ACOXL: variants seen among roughly 807,000 people sequenced by gnomAD.
ACOXL encodes acyl-coenzyme A oxidase-like protein.
Under a neutral mutation model 71.9 loss-of-function variants are expected in ACOXL, and 70 were observed. The ratio of observed to expected loss-of-function variants is 0.97; its 90% confidence interval spans 0.80 to 1.19. The LOEUF (loss-of-function observed/expected upper bound fraction) is 1.19. Ranked by LOEUF, ACOXL falls within the 50% of genes most tolerant of loss-of-function variation. ACOXL has a pLI of 0.00. For synonymous variants in ACOXL, 253 were observed against 281.6 expected (o/e 0.90, Z 1.02); for missense variants, 703 against 736.3 (o/e 0.95, Z 0.52).
rs1176256388 is a variant in ACOXL, at chr2:110,959,235, G to A, written c.1059+25593G>A. Among the ~76,000 whole-genome samples the A allele has an allele frequency of 3.3e-5, 5 of 152,290 alleles. No homozygotes were observed. In the East Asian group the frequency reaches 9.7e-4, roughly 29 times the overall value. ...CAGCCCTTTCTCTCCTGAGCCTGAG[G>A]CCACAGCCCTGCCCTGCACCATGAA... On this transcript the variant is annotated intron_variant, in intron 12 of 17. Transcript: ENST00000439055.
chr2:110,962,021 A>G lies in ACOXL; in HGVS notation c.1060-25087A>G, dbSNP rs556631042. On this transcript the variant is annotated intron_variant, in intron 12 of 17. Coordinates refer to ENST00000439055, the MANE Select transcript of ACOXL (RefSeq NM_001142807.4). ...ACAGAGCCAAACCATATCAGGTGGTATATTTAGTGTTACTCTTCTTCCACA... is the reference window on the plus strand; with the variant it reads ...ACAGAGCCAAACCATATCAGGTGGTGTATTTAGTGTTACTCTTCTTCCACA... Among the ~76,000 whole-genome samples the G allele has an allele frequency of 2.6e-5, 4 of 152,362 alleles. No homozygotes were observed. The East Asian group carries it at 7.7e-4, about 29-fold the overall frequency.
intron 10 of ACOXL, among the ~76,000 whole-genome samples, chr2:110,864,751 T>A (rs1233195947): frequency 6.6e-6 from 1 of 152,242 alleles, no homozygotes; most frequent in Non-Finnish European, 1.5e-5. Flanking sequence ...TTTCACTAAC[T>A]GTAATACAGT....
At chr2:111,094,663 C>A (rs1040927810) in intron 17 of ACOXL, among the ~76,000 whole-genome samples, 1 of 152,222 alleles carries the variant, frequency 6.6e-6, no homozygotes, top group African/African-American at 2.4e-5. Context: ...CCTCTCATCA[C>A]TGTTGCATTG....
intron 10 of ACOXL, among the ~76,000 whole-genome samples, chr2:110,877,719 A>G (rs1696102744): frequency 6.6e-6 from 1 of 152,124 alleles, no homozygotes; most frequent in African/African-American, 2.4e-5. Context: ...ATTACCGGAA[A>G]CCCTGGAGAC....
rs755327554 is a variant in ACOXL at position 110,834,897 on chromosome 2, G to A, written c.754-6474G>A. Among the ~76,000 whole-genome samples the A allele has an allele frequency of 7.9e-5, 12 of 152,258 alleles. No individual in the cohort carries two copies. In the South Asian group the frequency reaches 1.4e-3, roughly 18 times the overall value. ...TAAATGAGAGACAAAGCAAGTCCTT[G>A]TGAAGTGATCTCCATGCTTTTCAAG... On this transcript the variant is annotated intron_variant, in intron 9 of 17. Coordinates refer to ENST00000439055, the MANE Select transcript of ACOXL (RefSeq NM_001142807.4).
chr2:110,770,555 C>T (rs547261524), intron 2 of ACOXL, among the ~76,000 whole-genome samples: 2 of 152,258 alleles, frequency 1.3e-5, no homozygotes, highest in Non-Finnish European at 2.9e-5. Flanking sequence ...CAAAGTGGAG[C>T]GTGCTTGCGA....
At chr2:111,036,544 C>T (rs572819252) in intron 15 of ACOXL, among the ~76,000 whole-genome samples, 1 of 152,280 alleles carries the variant, frequency 6.6e-6, no homozygotes, top group East Asian at 1.9e-4. Context: ...AAGGAATGTC[C>T]CCTGGCTTTG....
intron 11 of ACOXL, among the ~76,000 whole-genome samples, chr2:110,919,280 A>G (rs1321055485): frequency 6.6e-6 from 1 of 152,116 alleles, no homozygotes; most frequent in African/African-American, 2.4e-5. Context: ...GCTGGAAACC[A>G]TCATTCTCAG....
chr2:110,810,577 C>A (rs897759841), intron 9 of ACOXL, among the ~76,000 whole-genome samples: 1 of 152,066 alleles, frequency 6.6e-6, no homozygotes, highest in South Asian at 2.1e-4. Flanking sequence ...GTTCATCCAT[C>A]CATCATTCAT....
intron 12 of ACOXL, among the ~76,000 whole-genome samples, chr2:110,946,441 GGC>G (rs1280618563): frequency 4.6e-5 from 7 of 152,156 alleles, no homozygotes; most frequent in African/African-American, 1.7e-4. Context: ...TGGTGAGAGT[GGC>G]ATCCTTGTCT....
At chr2:110,752,948 A>G (rs1192374322) in intron 1 of ACOXL, among the ~76,000 whole-genome samples, 1 of 152,230 alleles carries the variant, frequency 6.6e-6, no homozygotes, top group African/African-American at 2.4e-5. Context: ...AGCCACTTCT[A>G]CAATGGCTCA....
intron 2 of ACOXL, among the ~76,000 whole-genome samples, chr2:110,781,283 G>A (rs981258564): frequency 2.6e-5 from 4 of 152,122 alleles, no homozygotes. Context: ...GGTGGACAGA[G>A]GAGGCCTGTC....
intron 12 of ACOXL, among the ~76,000 whole-genome samples, chr2:110,950,838 A>AGAGAG (rs1418660040): frequency 6.9e-6 from 1 of 144,702 alleles, no homozygotes; most frequent in African/African-American, 2.5e-5. Context: ...AGAGAGAGGG[A>AGAGAG]AGTTCTGGAA....
rs568151324 is a variant in ACOXL at position 110,833,132 on chromosome 2, C to T, written c.754-8239C>T. Among the ~76,000 whole-genome samples the T allele has an allele frequency of 9.2e-5, 14 of 152,322 alleles. No individual in the cohort carries two copies. In the South Asian group the frequency reaches 2.9e-3, roughly 32 times the overall value. On this transcript the variant is annotated intron_variant, in intron 9 of 17. Coordinates refer to ENST00000439055, the MANE Select transcript of ACOXL (RefSeq NM_001142807.4). ...ACCTGAAAATGAATGTTTATACCAA[C>T]TTTATTCATAACTCATAACTCAACT...
At chr2:111,082,529 G>A (rs967380070) in intron 16 of ACOXL, among the ~76,000 whole-genome samples, 4 of 152,168 alleles carry the variant, frequency 2.6e-5, no homozygotes, top group Non-Finnish European at 5.9e-5. Context: ...AAAGACAGAT[G>A]CTGGAAAGAA....
intron 5 of ACOXL, among the ~76,000 whole-genome samples, chr2:110,797,558 T>C (rs1473804684): frequency 6.6e-6 from 1 of 152,216 alleles, no homozygotes; most frequent in Non-Finnish European, 1.5e-5. Context: ...AGTCTTGCTT[T>C]ATCCAAGCGT....
intron 9 of ACOXL, among the ~76,000 whole-genome samples, chr2:110,830,474 T>TC (rs1363408339): frequency 6.6e-6 from 1 of 152,120 alleles, no homozygotes; most frequent in Non-Finnish European, 1.5e-5. Context: ...ATAGAAAACT[T>TC]CATCTTCGCT....
intron 12 of ACOXL, chr2:110,963,799 CT>C: frequency 2.6e-6 from 4 of 1,548,440 alleles, no homozygotes; most frequent in Non-Finnish European, 3.5e-6. Flanking sequence ...TGATTGCCTT[CT>C]TTAATTGGCA....
chr2:110,888,094 G>A (rs1401382374), intron 10 of ACOXL: 1 of 152,050 alleles, frequency 6.6e-6, no homozygotes, highest in Non-Finnish European at 1.5e-5. Context: ...TGTAGCTGGG[G>A]CTTCTATAGT....
Sources: gnomAD v4.1 joint callset for allele counts (sites outside exome capture counted in the v4.1 genomes callset) on GRCh38, gnomAD v4.1.1 for gene constraint, MANE v1.5 for transcripts, NCBI Gene and HGNC (gene_info 2026-07-23, HGNC 2026-07-21) for gene names.